DTNB: variants seen among roughly 807,000 people sequenced by gnomAD.
DTNB encodes dystrobrevin beta.
DTNB carries 63 observed loss-of-function variants against 90.7 expected under a neutral mutation model. That is an observed-to-expected ratio of 0.69 (90% CI 0.57 to 0.86). The LOEUF is 0.86. DTNB is among the 40% of genes least tolerant of loss of function. The pLI is 0.00. For missense variants in DTNB, 744 were observed against 807.1 expected (o/e 0.92, Z 0.95); for synonymous variants, 277 against 286.7 (o/e 0.97, Z 0.34).
chr2:25,468,990 C>T (rs915971932), intron 10 of DTNB, among the ~76,000 whole-genome samples: 2 of 151,750 alleles, frequency 1.3e-5, no homozygotes, highest in Non-Finnish European at 2.9e-5. Context: ...ATATATTTAC[C>T]GAGTATCTAT....
rs2039724122 is a variant in DTNB at position 25,387,233 on chromosome 2, A to C, written c.1825+56T>G. On this transcript the variant is annotated intron_variant, in intron 18 of 20. Transcript: ENST00000406818. This position sits in a 1 kb window ranked among gnomAD's most constrained non-coding sequence, Gnocchi z 4.5. The stretch of plus-strand genomic sequence containing the variant: ...TGCCGGTGCTGGCAAGGAAGTGAGA[A>C]GGGCGCGGGCAAGGCAGGGGAGGCC... 4 of 1,553,446 alleles carry C rather than the reference A, an allele frequency of 2.6e-6. No individual in the cohort carries two copies. The highest frequency in any genetic ancestry group is 3.5e-6 in the Non-Finnish European group (4 of 1,135,272).
At chr2:25,458,194 T>G (rs1200507765) in intron 10 of DTNB, among the ~76,000 whole-genome samples, 1 of 152,168 alleles carries the variant, frequency 6.6e-6, no homozygotes, top group Non-Finnish European at 1.5e-5. Context: ...TGAATCAATT[T>G]TTTCCGAAAT....
At chr2:25,629,787 C>A (rs941424458) in intron 3 of DTNB, among the ~76,000 whole-genome samples, 8 of 152,142 alleles carry the variant, frequency 5.3e-5, no homozygotes, top group African/African-American at 1.9e-4. Flanking sequence ...TACAACAAAT[C>A]CCAATGCCAA....
At chr2:25,415,326 A>C (rs2047634056) in intron 16 of DTNB, among the ~76,000 whole-genome samples, 1 of 147,906 alleles carries the variant, frequency 6.8e-6, no homozygotes, top group Non-Finnish European at 1.5e-5. Context: ...GGCTCACTGC[A>C]ACATCCACCT....
chr2:25,455,295 C>G (rs866332246), intron 11 of DTNB, 110 bp downstream of exon 11: 1 of 991,566 alleles, frequency 1.0e-6, no homozygotes, highest in African/African-American at 1.6e-5. Flanking sequence ...GGTAGCTGCT[C>G]AAGAAAAACC....
chr2:25,517,423 C>T (rs987729924), intron 9 of DTNB, among the ~76,000 whole-genome samples: 2 of 151,902 alleles, frequency 1.3e-5, no homozygotes, highest in African/African-American at 4.8e-5. Flanking sequence ...GTGAAATTTA[C>T]AGAACATAAA....
At position 25,397,298 on chromosome 2, in the gene DTNB, A is replaced by C. The variant is rs866757746; in HGVS notation, c.1576-8937T>G. On this transcript the variant is annotated intron_variant, in intron 16 of 20. Coordinates refer to ENST00000406818, the MANE Select transcript of DTNB (RefSeq NM_021907.5). ...GGCTGCAGTGAGCTGAGATAGCGCC[A>C]CTGCACTCCAGCCTGGATGACAGAA... Among the ~76,000 whole-genome samples the C allele has an allele frequency of 8.0e-4, 121 of 150,784 alleles. 1 individual carries two copies. The highest frequency in any genetic ancestry group is 2.9e-3 in the African/African-American group (117 of 41,048).
chr2:25,415,429 T>G (rs542237087), intron 16 of DTNB, among the ~76,000 whole-genome samples: 10 of 151,984 alleles, frequency 6.6e-5, no homozygotes, highest in Non-Finnish European at 1.5e-4. Context: ...GTATTTTTAA[T>G]AGAGATGGGG....
At chr2:25,646,097 T>A (rs2079375670) in intron 2 of DTNB, among the ~76,000 whole-genome samples, 1 of 152,110 alleles carries the variant, frequency 6.6e-6, no homozygotes, top group African/African-American at 2.4e-5. Flanking sequence ...TGAGAGACTG[T>A]TTCAGGCCAT....
chr2:25,567,202 TTTAA>T (rs1474852656), intron 8 of DTNB, among the ~76,000 whole-genome samples: 3 of 152,256 alleles, frequency 2.0e-5, no homozygotes, highest in Non-Finnish European at 2.9e-5. Flanking sequence ...AAGTTAATTG[TTTAA>T]TTATGACACG....
At chr2:25,393,559 C>T (rs908277406) in intron 16 of DTNB, among the ~76,000 whole-genome samples, 3 of 152,124 alleles carry the variant, frequency 2.0e-5, no homozygotes, top group Non-Finnish European at 1.5e-5. Flanking sequence ...TTATTGTACA[C>T]AAATCAGTAG....
chr2:25,588,690 T>G (rs554828227), intron 6 of DTNB, among the ~76,000 whole-genome samples: 1 of 152,042 alleles, frequency 6.6e-6, no homozygotes, highest in Non-Finnish European at 1.5e-5. Context: ...TGACAACACA[T>G]GTAGTGCCAA....
intron 5 of DTNB, among the ~76,000 whole-genome samples, chr2:25,602,331 G>A (rs2066076105): frequency 6.6e-6 from 1 of 151,688 alleles, no homozygotes; most frequent in African/African-American, 2.4e-5. Context: ...ACATATTTAA[G>A]GCTTATCTTT....
intron 17 of DTNB, 30 bp downstream of exon 17, chr2:25,388,172 T>C (rs1299575844): frequency 6.5e-7 from 1 of 1,548,894 alleles, no homozygotes; most frequent in South Asian, 1.2e-5. Context: ...TCCCTTCAGC[T>C]CCCCGCTGAA....
chr2:25,469,179 CAGG>C (rs2062331379), intron 10 of DTNB, among the ~76,000 whole-genome samples: 1 of 152,056 alleles, frequency 6.6e-6, no homozygotes, highest in Non-Finnish European at 1.5e-5. Context: ...TGACCTAGTC[CAGG>C]AGATCAGAAA....
intron 14 of DTNB, among the ~76,000 whole-genome samples, chr2:25,430,956 T>C (rs1284873621): frequency 6.6e-6 from 1 of 152,216 alleles, no homozygotes; most frequent in Non-Finnish European, 1.5e-5. Flanking sequence ...ACTCACCCTA[T>C]GGGTGAAGTT....
intron 8 of DTNB, among the ~76,000 whole-genome samples, chr2:25,548,832 G>A (rs2082992403): frequency 6.6e-6 from 1 of 152,122 alleles, no homozygotes; most frequent in African/African-American, 2.4e-5. Context: ...AAGGGAAAAG[G>A]GCAGAACCGG....
intron 5 of DTNB, among the ~76,000 whole-genome samples, chr2:25,596,635 T>A (rs970400050): frequency 6.6e-6 from 1 of 152,160 alleles, no homozygotes; most frequent in Non-Finnish European, 1.5e-5. Flanking sequence ...CATGATTGAG[T>A]ATATAAATAC....
At chr2:25,428,021 C>T in intron 14 of DTNB, 1 of 157,386 alleles carries the variant, frequency 6.4e-6, no homozygotes, top group Non-Finnish European at 1.4e-5. Flanking sequence ...TAAGTACTTT[C>T]AGCACTAGAC....
Sources: allele counts gnomAD v4.1 joint callset (sites outside exome capture counted in the v4.1 genomes callset), GRCh38; gene constraint gnomAD v4.1.1; non-coding constraint Gnocchi (gnomAD v3.1); transcripts MANE v1.5; gene names NCBI Gene and HGNC (gene_info 2026-07-23, HGNC 2026-07-21).